Variants in MIR2052HG observed in about 807,000 individuals in gnomAD.
MIR2052HG encodes MIR2052 host gene.
chr8:74,643,147 G>A (rs1808657183), intron 2 of MIR2052HG, among the ~76,000 whole-genome samples: 1 of 152,156 alleles, frequency 6.6e-6, no homozygotes, highest in African/African-American at 2.4e-5. Flanking sequence ...GAATCCACAG[G>A]TAGGAATATC....
chr8:74,669,936 G>A (rs1208646736), intron 2 of MIR2052HG, among the ~76,000 whole-genome samples: 1 of 152,114 alleles, frequency 6.6e-6, no homozygotes, highest in Non-Finnish European at 1.5e-5. Context: ...TCTATATCTG[G>A]AGACAGGGCC....
chr8:74,744,498 C>T (rs888826305), intron 4 of MIR2052HG, among the ~76,000 whole-genome samples: 4 of 151,908 alleles, frequency 2.6e-5, no homozygotes, highest in East Asian at 3.9e-4. Flanking sequence ...ACAACAGTCC[C>T]CAGAGTGTGA....
At chr8:74,673,910 T>TATATATATATATATATATACACACAC (rs1485340799) in intron 2 of MIR2052HG, among the ~76,000 whole-genome samples, 3 of 133,232 alleles carry the variant, frequency 2.3e-5, no homozygotes, top group African/African-American at 1.0e-4. Flanking sequence ...TATATATATA[T>TATATATATATATATATATACACACAC]ACACACACAA....
chr8:74,628,530 C>T (rs1220440429), intron 2 of MIR2052HG, among the ~76,000 whole-genome samples: 1 of 152,196 alleles, frequency 6.6e-6, no homozygotes, highest in Non-Finnish European at 1.5e-5. Flanking sequence ...TCAGTAAAAA[C>T]TGCTTGGGGC....
At chr8:74,611,668 G>A (rs969367686) in intron 1 of MIR2052HG, among the ~76,000 whole-genome samples, 7 of 152,048 alleles carry the variant, frequency 4.6e-5, no homozygotes, top group Non-Finnish European at 1.5e-5. Flanking sequence ...ACTTTGTAAG[G>A]ACACTACGAA....
intron 2 of MIR2052HG, among the ~76,000 whole-genome samples, chr8:74,624,426 C>G (rs565221636): frequency 6.6e-6 from 1 of 152,168 alleles, no homozygotes; most frequent in Non-Finnish European, 1.5e-5. Context: ...TTTTGTGGAA[C>G]CTGTCTGTTA....
chr8:74,748,805 T>C (rs952550267), intron 4 of MIR2052HG, among the ~76,000 whole-genome samples: 1 of 152,170 alleles, frequency 6.6e-6, no homozygotes, highest in Non-Finnish European at 1.5e-5. Flanking sequence ...CAATGAGATA[T>C]GTGTGAACAG....
At chr8:74,724,514 G>T (rs1420623172) in intron 4 of MIR2052HG, among the ~76,000 whole-genome samples, 1 of 152,144 alleles carries the variant, frequency 6.6e-6, no homozygotes, top group Non-Finnish European at 1.5e-5. Context: ...CATAAAAAGT[G>T]CTGTCACAGA....
intron 2 of MIR2052HG, among the ~76,000 whole-genome samples, chr8:74,675,008 C>T (rs370465350): frequency 1.3e-5 from 2 of 151,844 alleles, no homozygotes; most frequent in Admixed American, 6.6e-5. Flanking sequence ...AAATTTTCCA[C>T]GTATTATATC....
At chr8:74,611,957 C>T (rs1808202141) in intron 1 of MIR2052HG, among the ~76,000 whole-genome samples, 1 of 152,200 alleles carries the variant, frequency 6.6e-6, no homozygotes, top group South Asian at 2.1e-4. Context: ...AGATAGACGG[C>T]AAGGGACAAC....
intron 4 of MIR2052HG, among the ~76,000 whole-genome samples, chr8:74,751,685 A>C (rs1204881464): frequency 6.6e-6 from 1 of 152,244 alleles, no homozygotes; most frequent in East Asian, 1.9e-4. Flanking sequence ...ATTCACAAAC[A>C]CAAGCAAAAA....
At chr8:74,637,184 G>A (rs920048602) in intron 2 of MIR2052HG, among the ~76,000 whole-genome samples, 1 of 152,116 alleles carries the variant, frequency 6.6e-6, no homozygotes, top group Admixed American at 6.6e-5. Flanking sequence ...AAGATGTGAA[G>A]GATCTGAGCA....
At chr8:74,729,441 G>T (rs1350925846) in intron 4 of MIR2052HG, among the ~76,000 whole-genome samples, 2 of 152,114 alleles carry the variant, frequency 1.3e-5, no homozygotes, top group Non-Finnish European at 2.9e-5. Flanking sequence ...CATGCTATCA[G>T]CTGTAAGACC....
intron 2 of MIR2052HG, among the ~76,000 whole-genome samples, chr8:74,670,648 G>A (rs1808981670): frequency 1.3e-5 from 2 of 152,062 alleles, no homozygotes; most frequent in African/African-American, 4.8e-5. Context: ...AACAAAACAT[G>A]GAAGGACTTC....
intron 2 of MIR2052HG, among the ~76,000 whole-genome samples, chr8:74,677,550 A>T (rs1428017919): frequency 2.0e-5 from 3 of 152,132 alleles, no homozygotes; most frequent in Admixed American, 1.3e-4. Context: ...AAAAATTAAC[A>T]TATCAAAAAC....
Position 74,617,456 on chromosome 8 carries a change from G to GGTGTGT in MIR2052HG, n.216+4543_216+4548dup, listed in dbSNP as rs61474557. 4.7e-5 allele frequency among the ~76,000 whole-genome samples: 7 copies of GGTGTGT among 147,394 alleles called. No homozygotes were observed. The South Asian group carries it at 8.7e-4, about 18-fold the overall frequency. ...TTTATGGCTAAGTAGTATTCCATTG[G>GGTGTGT]GTGTGTGTGTGTGTGTGTGTGTGTG... On this transcript the variant is annotated intron_variant and non_coding_transcript_variant, in intron 2 of 6. Transcript: ENST00000523442.
Position 74,654,441 on chromosome 8 carries a change from C to T in MIR2052HG, n.216+41501C>T, listed in dbSNP as rs553131076. Among the ~76,000 whole-genome samples the T allele has an allele frequency of 2.3e-4, 35 of 152,124 alleles. No homozygotes were observed. The East Asian group carries it at 3.7e-3, about 16-fold the overall frequency. On this transcript the variant is annotated intron_variant and non_coding_transcript_variant, in intron 2 of 6. Coordinates refer to ENST00000523442, the Ensembl canonical transcript of MIR2052HG. ...AAATCTCACCTTGAATTATATCTCC[C>T]GGAACTCCCCCGTGTTGTGGGAGGG...
intron 2 of MIR2052HG, among the ~76,000 whole-genome samples, chr8:74,619,228 A>G (rs1808327419): frequency 6.6e-6 from 1 of 151,448 alleles, no homozygotes; most frequent in African/African-American, 2.4e-5. Context: ...TTCAATCCCT[A>G]TCAAAATTCT....
intron 1 of MIR2052HG, among the ~76,000 whole-genome samples, chr8:74,604,607 T>TTTTTTG (rs1563509484): frequency 2.8e-5 from 4 of 141,028 alleles, no homozygotes; most frequent in African/African-American, 1.1e-4. Flanking sequence ...TTTTTTTTTT[T>TTTTTTG]TCTGAGACGG....
Sources: gnomAD v4.1 joint callset for allele counts (sites outside exome capture counted in the v4.1 genomes callset) on GRCh38, gnomAD v4.1.1 for gene constraint, MANE v1.5 for transcripts, NCBI Gene and HGNC (gene_info 2026-07-23, HGNC 2026-07-21) for gene names.